The following MAP3K14 variants were observed in gnomAD, a reference collection of about 807,000 sequenced individuals.
MAP3K14 encodes the protein mitogen-activated protein kinase kinase kinase 14, also known as NF-kappa-beta-inducing kinase.
In MAP3K14, 16 loss-of-function variants were observed where a neutral mutation model predicts 99.2. That is an observed-to-expected ratio of 0.16 (90% confidence interval 0.11 to 0.24). MAP3K14 has a LOEUF of 0.24. Ranked by LOEUF, MAP3K14 falls within the 10% of genes least tolerant of loss-of-function variation. MAP3K14 has a pLI of 1.00. For synonymous variants in MAP3K14, 462 were observed against 492.4 expected (o/e 0.94, Z 0.82); for missense variants, 784 against 1,208.7 (o/e 0.65, Z 5.21).
At chr17:45,311,385 C>T (rs2044477537) in intron 1 of MAP3K14, among the ~76,000 whole-genome samples, 2 of 152,172 alleles carry the variant, frequency 1.3e-5, no homozygotes, top group African/African-American at 4.8e-5. Flanking sequence ...AAAGTCAAGC[C>T]CTCCTTGTAG....
intron 1 of MAP3K14, among the ~76,000 whole-genome samples, chr17:45,316,702 C>T (rs922969046): frequency 7.9e-5 from 12 of 151,978 alleles, no homozygotes; most frequent in Non-Finnish European, 1.5e-5. Flanking sequence ...GCGCTCGGAG[C>T]CAGCGTGTGG....
intron 5 of MAP3K14, 56 bp from the exon 6 acceptor site, chr17:45,285,005 C>T: frequency 2.0e-6 from 3 of 1,522,306 alleles, no homozygotes; most frequent in Non-Finnish European, 2.7e-6. Flanking sequence ...CAGAGGGCTA[C>T]AGGGCTACAG....
chr17:45,303,661 T>C (rs2044407823), intron 1 of MAP3K14, among the ~76,000 whole-genome samples: 2 of 151,992 alleles, frequency 1.3e-5, no homozygotes, highest in African/African-American at 4.8e-5. Flanking sequence ...CCGTCCTCTC[T>C]GCAACATAAA....
intron 3 of MAP3K14, among the ~76,000 whole-genome samples, chr17:45,288,459 C>A (rs1206013765): frequency 6.7e-6 from 1 of 148,850 alleles, no homozygotes; most frequent in Non-Finnish European, 1.5e-5. Context: ...CTCACTGCAA[C>A]CTTCGACTCC....
intron 1 of MAP3K14, among the ~76,000 whole-genome samples, chr17:45,298,694 T>TA (rs2044363850): frequency 6.6e-6 from 1 of 152,214 alleles, no homozygotes; most frequent in African/African-American, 2.4e-5. Flanking sequence ...GCAAGGATCT[T>TA]ATGCGTGGCA....
chr17:45,316,145 C>G (rs2044530101), intron 1 of MAP3K14, among the ~76,000 whole-genome samples: 1 of 152,236 alleles, frequency 6.6e-6, no homozygotes, highest in Admixed American at 6.5e-5. Flanking sequence ...CTCCCTCATT[C>G]ATACCTCCAG....
intron 1 of MAP3K14, among the ~76,000 whole-genome samples, chr17:45,308,527 G>A (rs761140800): frequency 6.6e-6 from 1 of 152,142 alleles, no homozygotes; most frequent in Non-Finnish European, 1.5e-5. Context: ...TTTTTGAGAA[G>A]AGGACTTGTT....
In MAP3K14 at chr17:45,263,724, T is replaced by C. The variant is rs2044040250; in HGVS notation, c.*912A>G. The C allele has an allele frequency of 6.6e-6, 1 of 152,586 alleles. No individual in the cohort carries two copies. Among genetic ancestry groups the C allele is most frequent in the African/African-American group, 2.4e-5 (1 of 41,440 alleles). The allele number at this position is 152,586 out of a possible 1,614,324, so 9.5% of individuals were successfully genotyped here. On this transcript the variant is annotated 3_prime_UTR_variant, in exon 16 of 16. Coordinates refer to ENST00000344686, the MANE Select transcript of MAP3K14 (RefSeq NM_003954.5). ...GAACCAGCACGCTGGACACTGATAG[T>C]GGGGCTGGGGCGCCGGAGCGTCTCT...
intron 11 of MAP3K14, 110 bp downstream of exon 11, chr17:45,270,303 G>T: frequency 7.5e-7 from 1 of 1,338,742 alleles, no homozygotes; most frequent in Non-Finnish European, 9.9e-7. Flanking sequence ...AATCCAGAGG[G>T]GGAAACTAAG....
At position 45,286,313 on chromosome 17, in the gene MAP3K14, G is replaced by T; in HGVS notation, c.1152+118C>A. 1 of 1,217,488 alleles carries T rather than the reference G, an allele frequency of 8.2e-7. No individual in the cohort carries two copies. The highest frequency in any genetic ancestry group is 1.1e-6 in the Non-Finnish European group (1 of 888,916). The allele number at this position is 1,217,488 out of a possible 1,614,324, so 75.4% of individuals were successfully genotyped here. A position where few individuals can be genotyped will look rare whatever the true frequency, so the allele number is the denominator to read the frequency against. ...AGAGATGATACTTTTCATCCACAAT[G>T]AGCACTGTCCTACTGTTTGATTTGT... On this transcript the variant is annotated intron_variant, in intron 5 of 15. Coordinates refer to ENST00000344686, the MANE Select transcript of MAP3K14 (RefSeq NM_003954.5). The surrounding 1 kb of genome is among the most constrained non-coding windows in gnomAD (Gnocchi z 4.1).
chr17:45,295,438 C>T (rs2044339747), intron 1 of MAP3K14, among the ~76,000 whole-genome samples: 1 of 152,120 alleles, frequency 6.6e-6, no homozygotes, highest in Non-Finnish European at 1.5e-5. Context: ...AGTTTGGAAA[C>T]CAGCGGCCTA....
At chr17:45,293,615 A>T (rs1005595964) in intron 1 of MAP3K14, among the ~76,000 whole-genome samples, 2 of 152,184 alleles carry the variant, frequency 1.3e-5, no homozygotes, top group Non-Finnish European at 2.9e-5. Flanking sequence ...CTTGTGAAGG[A>T]CATGGGGAAA....
intron 1 of MAP3K14, among the ~76,000 whole-genome samples, chr17:45,292,223 T>G (rs912629498): frequency 5.9e-5 from 9 of 152,170 alleles, no homozygotes; most frequent in Admixed American, 3.9e-4. Flanking sequence ...AAACGCCAGA[T>G]GCTGAGGAGG....
rs17846859 is a variant in MAP3K14, at chr17:45,274,290, G to C, written c.1421-36C>G. The C allele has an allele frequency of 1.9e-3, 2,968 of 1,588,532 alleles. 72 individuals carry two copies. The Admixed American group carries it at 0.032, about 17-fold the overall frequency. ...AAAGGCCAGGCTATACATGGGACTT[G>C]CCCGAGCCTCCATGCCAGCCAAGGG... On this transcript the variant is annotated intron_variant, in intron 7 of 15. Transcript: ENST00000344686.
Position 45,274,136 on chromosome 17 carries a change from A to G in MAP3K14, c.1539T>C (p.His513=), listed in dbSNP as rs1567989548. 6.2e-7 allele frequency: 1 copy of G among 1,609,772 alleles called. No homozygotes were observed. Among genetic ancestry groups the G allele is most frequent in the Non-Finnish European group, 8.5e-7 (1 of 1,178,024 alleles). The change falls in exon 8 of 16, where the codon CAT becomes CAC. Residue 513 remains histidine (H), a synonymous_variant. Transcript: ENST00000344686. ...CCTGGGCCTTACCTTTGACGTCCCCATGCAGAATCCTTCGTGAGTGGAGGT... is the reference window on the plus strand; with the variant it reads ...CCTGGGCCTTACCTTTGACGTCCCCGTGCAGAATCCTTCGTGAGTGGAGGT... ...LEYLHSRRIL[H]GDVKADNVLL...
At chr17:45,302,189 G>C (rs1475678105) in intron 1 of MAP3K14, among the ~76,000 whole-genome samples, 1 of 151,898 alleles carries the variant, frequency 6.6e-6, no homozygotes, top group African/African-American at 2.4e-5. Flanking sequence ...AATACAGAAG[G>C]GGTGCCATTG....
At chr17:45,313,301 C>T (rs918236463) in intron 1 of MAP3K14, among the ~76,000 whole-genome samples, 1 of 152,152 alleles carries the variant, frequency 6.6e-6, no homozygotes, top group South Asian at 2.1e-4. Flanking sequence ...ACTACTATTA[C>T]TACCACCACC....
chr17:45,316,488 C>T (rs1038742217), intron 1 of MAP3K14, among the ~76,000 whole-genome samples: 3 of 152,254 alleles, frequency 2.0e-5, no homozygotes, highest in African/African-American at 4.8e-5. Context: ...TCCTGCTCCC[C>T]GCCTTGAGGT....
intron 6 of MAP3K14, among the ~76,000 whole-genome samples, chr17:45,282,538 GA>G (rs1567993082): frequency 3.0e-5 from 4 of 133,612 alleles, no homozygotes; most frequent in African/African-American, 1.1e-4. Flanking sequence ...CTGGACAACA[GA>G]GCGAGATCCT....
Sources: allele counts gnomAD v4.1 joint callset (sites outside exome capture counted in the v4.1 genomes callset), GRCh38; gene constraint gnomAD v4.1.1; non-coding constraint Gnocchi (gnomAD v3.1); transcripts MANE v1.5; gene names NCBI Gene and HGNC (gene_info 2026-07-23, HGNC 2026-07-21).